AATF: variants seen among roughly 807,000 people sequenced by gnomAD.
The protein encoded by AATF is protein AATF.
Under a neutral mutation model 63.7 loss-of-function variants are expected in AATF, and 48 were observed. That is an observed-to-expected ratio of 0.75 (90% confidence interval 0.60 to 0.96). AATF has a LOEUF of 0.96. Among genes scored for constraint, AATF ranks in the 40% least tolerant of loss-of-function variants. The pLI is 0.00. For missense variants in AATF, 639 were observed against 685.7 expected (o/e 0.93, Z 0.76); for synonymous variants, 258 against 247.7 (o/e 1.04, Z -0.39).
chr17:37,005,247 G>A (rs1271434116), intron 8 of AATF, among the ~76,000 whole-genome samples: 1 of 152,162 alleles, frequency 6.6e-6, no homozygotes. Context: ...GGGACTGTGG[G>A]TCTGTACGAC....
intron 7 of AATF, 80 bp from the exon 8 acceptor site, chr17:36,990,694 T>C (rs770414313): frequency 9.1e-6 from 8 of 877,698 alleles, no homozygotes; most frequent in Non-Finnish European, 1.4e-5. Context: ...CTTTGACTGT[T>C]CTACATATTA....
rs536039527 is a variant in AATF, at chr17:37,041,868, T to C, written c.1619+10183T>C. On this transcript the variant is annotated intron_variant, in intron 11 of 11. Coordinates refer to ENST00000619387, the MANE Select transcript of AATF (RefSeq NM_012138.4). ...ATAAAAGTTACTTACTGTTTTTAAG[T>C]TCATAACAAATGACACCTTATTGAG... is the stretch of plus-strand genomic sequence containing the variant. Among the ~76,000 whole-genome samples the C allele has an allele frequency of 2.6e-5, 4 of 152,308 alleles. No homozygotes were observed. In the South Asian group the frequency reaches 8.3e-4, roughly 32 times the overall value.
chr17:36,978,935 T>C lies in AATF; in HGVS notation c.833-7682T>C, dbSNP rs78242119. 1.3e-3 allele frequency among the ~76,000 whole-genome samples: 195 copies of C among 152,152 alleles called. 3 individuals carry two copies. The East Asian group carries it at 0.032, about 25-fold the overall frequency. On this transcript the variant is annotated intron_variant, in intron 4 of 11. Transcript: ENST00000619387. ...GCCTAAATGTTAAGGCTTATTGTTA[T>C]TCTGAGTTGATAATCTCTGCCTTGC...
At chr17:36,949,285 T>G in intron 1 of AATF, 69 bp downstream of exon 1, 1 of 1,447,230 alleles carries the variant, frequency 6.9e-7, no homozygotes, top group Non-Finnish European at 9.3e-7. Flanking sequence ...GGGGGCGGCG[T>G]GGGAGGGGCG....
At chr17:37,047,541 G>A (rs1385409228) in intron 11 of AATF, among the ~76,000 whole-genome samples, 6 of 152,100 alleles carry the variant, frequency 3.9e-5, no homozygotes, top group Non-Finnish European at 7.4e-5. Flanking sequence ...CCTTTGTTTG[G>A]GGCCTGAACC....
chr17:37,012,123 G>C (rs1041955593), intron 8 of AATF, among the ~76,000 whole-genome samples: 2 of 151,760 alleles, frequency 1.3e-5, no homozygotes, highest in Non-Finnish European at 2.9e-5. Context: ...CGCAATCTTG[G>C]CTCACTGCAA....
At chr17:37,027,119 G>GA (rs1054293591) in intron 10 of AATF, among the ~76,000 whole-genome samples, 2 of 152,040 alleles carry the variant, frequency 1.3e-5, no homozygotes, top group African/African-American at 2.4e-5. Flanking sequence ...TTGGATGCTA[G>GA]AAAATAACGT....
At chr17:37,047,722 A>G (rs191026448) in intron 11 of AATF, among the ~76,000 whole-genome samples, 1 of 152,350 alleles carries the variant, frequency 6.6e-6, no homozygotes, top group Admixed American at 6.5e-5. Flanking sequence ...GACCTTCTAG[A>G]GTCTCCTTCA....
intron 4 of AATF, among the ~76,000 whole-genome samples, chr17:36,977,328 C>T (rs923629363): frequency 1.3e-5 from 2 of 152,112 alleles, no homozygotes; most frequent in Non-Finnish European, 2.9e-5. Flanking sequence ...TATGAAGAAT[C>T]CTGAGAGAGG....
intron 11 of AATF, chr17:37,052,479 C>T (rs575019176): frequency 6.6e-6 from 1 of 152,234 alleles, no homozygotes; most frequent in African/African-American, 2.4e-5. Flanking sequence ...TTTCAGATGT[C>T]TTTGCCTTTC....
At chr17:37,048,251 G>C (rs2071711663) in intron 11 of AATF, among the ~76,000 whole-genome samples, 1 of 151,406 alleles carries the variant, frequency 6.6e-6, no homozygotes, top group Non-Finnish European at 1.5e-5. Context: ...TTCTACTATA[G>C]TGATTTTTGT....
At chr17:37,005,294 CA>C (rs2071333753) in intron 8 of AATF, among the ~76,000 whole-genome samples, 1 of 152,068 alleles carries the variant, frequency 6.6e-6, no homozygotes, top group African/African-American at 2.4e-5. Flanking sequence ...GGGTGTATAT[CA>C]GGGGTGATTA....
At chr17:37,035,802 T>C (rs1050163941) in intron 11 of AATF, among the ~76,000 whole-genome samples, 2 of 152,232 alleles carry the variant, frequency 1.3e-5, no homozygotes, top group African/African-American at 2.4e-5. Context: ...TTGTAGGAGA[T>C]AGTCTTTAAT....
Position 36,990,795 on chromosome 17 carries a change from G to A in AATF, c.1336G>A (p.Ala446Thr), listed in dbSNP as rs761448475. The part of the protein sequence containing the change: ...GEPEILPQAP[A>T]NAHLKDLDEE... The stretch of plus-strand genomic sequence containing the variant: ...ATAGGAGATCCTTCCTCAAGCCCCT[G>A]CTAATGCTCATCTGAAGGACTTGGA... Residue 446 changes from alanine (A) to threonine (T), a missense_variant, in exon 8 of 12, where the codon GCT becomes ACT. By Grantham distance (58) the Ala-to-Thr change is moderately conservative. Transcript: ENST00000619387. 5.6e-6 allele frequency: 9 copies of A among 1,593,604 alleles called. No homozygotes were observed. In the African/African-American group the frequency reaches 9.5e-5, roughly 17 times the overall value.
At chr17:36,950,690 G>C (rs1195051012) in intron 2 of AATF, among the ~76,000 whole-genome samples, 2 of 152,110 alleles carry the variant, frequency 1.3e-5, no homozygotes, top group African/African-American at 4.8e-5. Context: ...GTAGAGACGG[G>C]GTTTGTCCAT....
intron 11 of AATF, chr17:37,045,677 A>G (rs929343334): frequency 6.6e-6 from 1 of 152,308 alleles, no homozygotes; most frequent in Non-Finnish European, 1.5e-5. Flanking sequence ...GGGAAACACA[A>G]CTGTACAGCC....
At chr17:37,007,879 A>C (rs1183673733) in intron 8 of AATF, among the ~76,000 whole-genome samples, 1 of 152,208 alleles carries the variant, frequency 6.6e-6, no homozygotes, top group Non-Finnish European at 1.5e-5. Flanking sequence ...AATCGCAGAT[A>C]GTTCAAACAG....
At chr17:36,986,523 G>C (rs1160593574) in intron 4 of AATF, 94 bp from the exon 5 acceptor site, 17 of 983,580 alleles carry the variant, frequency 1.7e-5, no homozygotes, top group Non-Finnish European at 2.6e-5. Context: ...ACTCCCCACA[G>C]CCAGAACTGC....
At chr17:36,998,233 T>G (rs956035619) in intron 8 of AATF, among the ~76,000 whole-genome samples, 16 of 151,790 alleles carry the variant, frequency 1.1e-4, no homozygotes, top group Non-Finnish European at 2.1e-4. Flanking sequence ...AAAAAAAAAA[T>G]GTATATGTAT....
Sources: allele counts gnomAD v4.1 joint callset (sites outside exome capture counted in the v4.1 genomes callset), GRCh38; gene constraint gnomAD v4.1.1; transcripts MANE v1.5; gene names NCBI Gene and HGNC (gene_info 2026-07-23, HGNC 2026-07-21).